CSMD1: variants seen among roughly 807,000 people sequenced by gnomAD.
CSMD1 encodes CUB and sushi domain-containing protein 1.
A neutral mutation model predicts 417.5 loss-of-function variants in CSMD1; 213 were observed. That is an observed-to-expected ratio of 0.51 (90% confidence interval 0.46 to 0.57). The LOEUF is 0.57. Among genes scored for constraint, CSMD1 ranks in the 20% least tolerant of loss-of-function variants. The probability of loss-of-function intolerance (pLI) is 0.00; values close to 1 mark genes in which losing one functional copy is unlikely to be tolerated. For missense variants in CSMD1, 6,923 were observed against 4,529.7 expected, an observed-to-expected ratio of 1.53 and a Z score of -15.17; for synonymous variants, 2,862 against 1,736.8, an observed-to-expected ratio of 1.65 and a Z score of -16.11.
chr8:4,264,530 G>C (rs907078369), intron 3 of CSMD1, among the ~76,000 whole-genome samples: 3 of 152,078 alleles, frequency 2.0e-5, no homozygotes, highest in Non-Finnish European at 2.9e-5. Context: ...GAGAAGCTCC[G>C]TTACTTAAAG....
At chr8:3,238,900 G>C (rs767494208) in intron 26 of CSMD1, among the ~76,000 whole-genome samples, 1 of 152,158 alleles carries the variant, frequency 6.6e-6, no homozygotes, top group African/African-American at 2.4e-5. Flanking sequence ...GTGTAATCAA[G>C]AGCAGGGCAT....
chr8:4,389,456 A>G (rs1354530955), intron 3 of CSMD1, among the ~76,000 whole-genome samples: 1 of 152,216 alleles, frequency 6.6e-6, no homozygotes, highest in Non-Finnish European at 1.5e-5. Context: ...ACAAACAAAC[A>G]TAATTTGGTT....
intron 5 of CSMD1, among the ~76,000 whole-genome samples, chr8:3,901,854 A>C (rs927262603): frequency 6.6e-6 from 1 of 152,148 alleles, no homozygotes; most frequent in Non-Finnish European, 1.5e-5. Flanking sequence ...CCATGGTTTT[A>C]TTATACTGTA....
chr8:4,369,674 G>A (rs906739129), intron 3 of CSMD1, among the ~76,000 whole-genome samples: 2 of 152,058 alleles, frequency 1.3e-5, no homozygotes, highest in African/African-American at 4.8e-5. Flanking sequence ...GTTGAGTTGA[G>A]CCCTTTATCA....
At chr8:3,690,233 C>T (rs1006745732) in intron 7 of CSMD1, among the ~76,000 whole-genome samples, 2 of 152,090 alleles carry the variant, frequency 1.3e-5, no homozygotes, top group African/African-American at 4.8e-5. Context: ...GTGGTGTGCA[C>T]CTGTAATCCC....
At chr8:4,489,106 T>C (rs1164327811) in intron 2 of CSMD1, among the ~76,000 whole-genome samples, 1 of 152,134 alleles carries the variant, frequency 6.6e-6, no homozygotes, top group Non-Finnish European at 1.5e-5. Context: ...GAGACGGGGT[T>C]TCACCATGTC....
intron 1 of CSMD1, among the ~76,000 whole-genome samples, chr8:4,897,432 G>C (rs531350845): frequency 6.6e-6 from 1 of 152,188 alleles, no homozygotes; most frequent in East Asian, 1.9e-4. Context: ...AAGAAAACAA[G>C]TGACTCTTTT....
At chr8:4,494,354 C>G (rs970098034) in intron 2 of CSMD1, among the ~76,000 whole-genome samples, 1 of 152,112 alleles carries the variant, frequency 6.6e-6, no homozygotes, top group African/African-American at 2.4e-5. Flanking sequence ...TGCTCAGTGA[C>G]ATTTGAGACT....
chr8:4,786,929 A>G (rs1797428948), intron 1 of CSMD1, among the ~76,000 whole-genome samples: 1 of 152,222 alleles, frequency 6.6e-6, no homozygotes, highest in Non-Finnish European at 1.5e-5. Flanking sequence ...TTCATTTAAA[A>G]GGCACTTTTT....
At chr8:3,923,041 G>A (rs565843752) in intron 5 of CSMD1, among the ~76,000 whole-genome samples, 1 of 152,162 alleles carries the variant, frequency 6.6e-6, no homozygotes, top group South Asian at 2.1e-4. Context: ...ACAGACAATT[G>A]CAAAAACAAG....
intron 6 of CSMD1, among the ~76,000 whole-genome samples, chr8:3,751,168 T>A (rs2129053123): frequency 6.6e-6 from 1 of 152,234 alleles, no homozygotes; most frequent in South Asian, 2.1e-4. Context: ...AACTTTAAAG[T>A]CAGCCTTGAA....
At chr8:3,458,556 G>A (rs1384289460) in intron 12 of CSMD1, among the ~76,000 whole-genome samples, 1 of 152,082 alleles carries the variant, frequency 6.6e-6, no homozygotes, top group Admixed American at 6.5e-5. Flanking sequence ...GTTATTACTT[G>A]TTTGTTTTAA....
At chr8:4,326,311 T>A (rs1306375232) in intron 3 of CSMD1, among the ~76,000 whole-genome samples, 1 of 152,118 alleles carries the variant, frequency 6.6e-6, no homozygotes, top group African/African-American at 2.4e-5. Flanking sequence ...AGCGGATAAG[T>A]CCTTTGAAAA....
At chr8:4,540,151 A>G (rs1797307172) in intron 2 of CSMD1, among the ~76,000 whole-genome samples, 1 of 152,190 alleles carries the variant, frequency 6.6e-6, no homozygotes, top group South Asian at 2.1e-4. Flanking sequence ...CGTGCAATGT[A>G]AAGCATGATG....
At chr8:3,390,714 T>C (rs900119357) in intron 17 of CSMD1, among the ~76,000 whole-genome samples, 1 of 152,092 alleles carries the variant, frequency 6.6e-6, no homozygotes, top group African/African-American at 2.4e-5. Context: ...TGCTACTTAA[T>C]GAATAAAGGG....
chr8:4,464,743 C>A (rs946236915), intron 2 of CSMD1, among the ~76,000 whole-genome samples: 2 of 152,100 alleles, frequency 1.3e-5, no homozygotes, highest in Admixed American at 6.6e-5. Flanking sequence ...CATCAGCATC[C>A]GTTGCTTTAA....
chr8:3,734,220 A>G (rs1265917200), intron 6 of CSMD1, among the ~76,000 whole-genome samples: 3 of 152,224 alleles, frequency 2.0e-5, no homozygotes, highest in Non-Finnish European at 4.4e-5. Context: ...TTTCACGATG[A>G]GAATGGGAGC....
chr8:4,218,656 G>A (rs182917423), intron 3 of CSMD1, among the ~76,000 whole-genome samples: 65 of 152,188 alleles, frequency 4.3e-4, no homozygotes, highest in Non-Finnish European at 7.4e-4. Flanking sequence ...AGTATTAGTG[G>A]GACAGTGGTT....
intron 3 of CSMD1, among the ~76,000 whole-genome samples, chr8:4,236,454 T>G (rs1382523916): frequency 3.3e-5 from 5 of 152,082 alleles, no homozygotes; most frequent in African/African-American, 4.8e-5. Context: ...CTGTGACATT[T>G]AACAACAAAC....
Sources: gnomAD v4.1 joint callset for allele counts (sites outside exome capture counted in the v4.1 genomes callset) on GRCh38, gnomAD v4.1.1 for gene constraint, MANE v1.5 for transcripts, NCBI Gene and HGNC (gene_info 2026-07-23, HGNC 2026-07-21) for gene names.